Variants in MACROD2 observed in about 807,000 individuals in gnomAD.
The protein encoded by MACROD2 is mono-ADP ribosylhydrolase 2, also known as ADP-ribose glycohydrolase MACROD2.
MACROD2 carries 36 observed loss-of-function variants against 70.4 expected under a neutral mutation model. The observed-to-expected ratio is 0.51, with a 90% CI of 0.39 to 0.68. The LOEUF is 0.68. MACROD2 is among the 30% of genes least tolerant of loss of function. The pLI is 0.00. For synonymous variants in MACROD2, 172 were observed against 178.8 expected, an observed-to-expected ratio of 0.96 and a Z score of 0.30; for missense variants, 496 against 538.4, an observed-to-expected ratio of 0.92 and a Z score of 0.78.
rs3045609 is a variant in MACROD2, at chr20:14,789,460, ATTTTTTTTTTTTTTTTTTTTT to A, written c.418+104513_418+104533del. Among the ~76,000 whole-genome samples, 2 of 48,326 alleles carry A rather than the reference ATTTTTTTTTTTTTTTTTTTTT, an allele frequency of 4.1e-5. 1 individual carries two copies. Among genetic ancestry groups the A allele is most frequent in the Admixed American group, 6.3e-4 (2 of 3,186 alleles). 31.7% of individuals were successfully genotyped at this position (48,326 alleles called of 152,430 possible). ...CTTGTGGATTAATCAGGTAGTGCAA[ATTTTTTTTTTTTTTTTTTTTT>A]TTTTTTTTTTTGAGATGGAGTTTCA... On this transcript the variant is annotated intron_variant, in intron 5 of 17. Transcript: ENST00000684519.
chr20:14,620,008 C>T (rs1983738529), intron 4 of MACROD2, among the ~76,000 whole-genome samples: 1 of 152,134 alleles, frequency 6.6e-6, no homozygotes, highest in Non-Finnish European at 1.5e-5. Flanking sequence ...GTGGCCCTGA[C>T]ATTTGTCACT....
At chr20:14,209,187 A>G (rs886905586) in intron 3 of MACROD2, among the ~76,000 whole-genome samples, 10 of 152,262 alleles carry the variant, frequency 6.6e-5, no homozygotes, top group African/African-American at 1.9e-4. Flanking sequence ...TTCCCAAATT[A>G]TAGCTTACTT....
At chr20:14,932,431 C>T (rs1395713532) in intron 5 of MACROD2, among the ~76,000 whole-genome samples, 2 of 152,146 alleles carry the variant, frequency 1.3e-5, no homozygotes, top group Admixed American at 6.5e-5. Context: ...CTTCCCTTCT[C>T]CTGCATCACA....
chr20:14,863,330 C>T (rs926922811), intron 5 of MACROD2, among the ~76,000 whole-genome samples: 2 of 152,086 alleles, frequency 1.3e-5, no homozygotes, highest in African/African-American at 4.8e-5. Context: ...ATTTTCTCCC[C>T]GATCACACTG....
At chr20:15,798,400 C>T (rs2063694498) in intron 8 of MACROD2, among the ~76,000 whole-genome samples, 1 of 152,128 alleles carries the variant, frequency 6.6e-6, no homozygotes, top group African/African-American at 2.4e-5. Flanking sequence ...CTACCTGTTG[C>T]CTCTCTTTGG....
At chr20:15,361,474 T>C (rs2078350991) in intron 6 of MACROD2, among the ~76,000 whole-genome samples, 1 of 152,226 alleles carries the variant, frequency 6.6e-6, no homozygotes, top group Admixed American at 6.5e-5. Flanking sequence ...TGTTGCTATA[T>C]AATAAGATTT....
In MACROD2 at chr20:14,014,363, T is replaced by C. The variant is rs2052957902; in HGVS notation, c.163+11959T>C. 2.0e-5 allele frequency among the ~76,000 whole-genome samples: 3 copies of C among 152,326 alleles called. No individual in the cohort carries two copies. In the South Asian group the frequency reaches 6.2e-4, roughly 32 times the overall value. On this transcript the variant is annotated intron_variant, in intron 2 of 17. Coordinates refer to ENST00000684519, the MANE Select transcript of MACROD2 (RefSeq NM_001351661.2). Reference sequence around the variant, plus strand: ...ATGTTTTTGTCTTTTCTGAAATATTTAGTTACTGAATTTTCATCAACGTGT... The same window carrying C: ...ATGTTTTTGTCTTTTCTGAAATATTCAGTTACTGAATTTTCATCAACGTGT...
intron 8 of MACROD2, among the ~76,000 whole-genome samples, chr20:15,839,630 C>T (rs563658799): frequency 6.6e-6 from 1 of 152,262 alleles, no homozygotes; most frequent in South Asian, 2.1e-4. Flanking sequence ...ATCAGAAGCT[C>T]CCATCCATTC....
chr20:14,411,584 A>G (rs1323274582), intron 3 of MACROD2, among the ~76,000 whole-genome samples: 1 of 152,136 alleles, frequency 6.6e-6, no homozygotes, highest in Non-Finnish European at 1.5e-5. Flanking sequence ...GATACTAAAT[A>G]CTATCACTGT....
chr20:15,714,512 G>A (rs1308109423), intron 8 of MACROD2, among the ~76,000 whole-genome samples: 1 of 152,144 alleles, frequency 6.6e-6, no homozygotes, highest in African/African-American at 2.4e-5. Flanking sequence ...AAGAAAAGTT[G>A]GGGGATGGTA....
rs1011649417 is a variant in MACROD2, at chr20:16,003,270, C to T, written c.1153+16112C>T. 1.7e-4 allele frequency among the ~76,000 whole-genome samples: 26 copies of T among 152,032 alleles called. 1 individual carries two copies. Among genetic ancestry groups the T allele is most frequent in the Non-Finnish European group, 2.8e-4 (19 of 68,020 alleles). ...AAGTGCAAATTCCTGAGCTCCCCTT[C>T]GAGTATATTTCTTATACAATAATTG... On this transcript the variant is annotated intron_variant, in intron 15 of 17. Coordinates refer to ENST00000684519, the MANE Select transcript of MACROD2 (RefSeq NM_001351661.2).
At chr20:14,601,694 T>G (rs932164992) in intron 4 of MACROD2, among the ~76,000 whole-genome samples, 4 of 152,140 alleles carry the variant, frequency 2.6e-5, no homozygotes, top group African/African-American at 7.2e-5. Flanking sequence ...AAAAAGTACC[T>G]CAGGGCCGTG....
chr20:14,826,458 G>A (rs572128617), intron 5 of MACROD2, among the ~76,000 whole-genome samples: 1 of 152,154 alleles, frequency 6.6e-6, no homozygotes, highest in East Asian at 1.9e-4. Context: ...TTCTGTTTCT[G>A]TTGCTTGCAG....
At chr20:14,748,655 C>A (rs1234854754) in intron 5 of MACROD2, among the ~76,000 whole-genome samples, 2 of 152,096 alleles carry the variant, frequency 1.3e-5, no homozygotes, top group Non-Finnish European at 2.9e-5. Context: ...GCCTTTATAT[C>A]TCAAGAAATT....
At position 15,925,880 on chromosome 20, in the gene MACROD2, C is replaced by T. The variant is rs1261071766; in HGVS notation, c.776-7396C>T. ...GGCTGACACGATTGTCTTGTCTGTC[C>T]TAATGGTTGAAGACTAACCCATGAA... On this transcript the variant is annotated intron_variant, in intron 10 of 17. Transcript: ENST00000684519. Among the ~76,000 whole-genome samples, 4 of 152,258 alleles carry T rather than the reference C, an allele frequency of 2.6e-5. No individual in the cohort carries two copies. In the East Asian group the frequency reaches 7.7e-4, roughly 29 times the overall value.
chr20:15,950,469 G>A (rs2065888414), intron 12 of MACROD2, among the ~76,000 whole-genome samples: 2 of 152,080 alleles, frequency 1.3e-5, no homozygotes, highest in South Asian at 4.1e-4. Context: ...GTCACCAACT[G>A]ATCATTGTAA....
At chr20:14,733,500 A>C (rs2071622184) in intron 5 of MACROD2, among the ~76,000 whole-genome samples, 3 of 152,270 alleles carry the variant, frequency 2.0e-5, no homozygotes, top group Admixed American at 2.0e-4. Flanking sequence ...TCAAACAAAA[A>C]CTTTGTGAGG....
At chr20:14,445,185 T>G (rs1466473346) in intron 3 of MACROD2, among the ~76,000 whole-genome samples, 1 of 152,128 alleles carries the variant, frequency 6.6e-6, no homozygotes, top group Non-Finnish European at 1.5e-5. Context: ...TGGTTCATCC[T>G]GCCCCAGCCA....
At chr20:14,120,099 G>A (rs1347802706) in intron 3 of MACROD2, among the ~76,000 whole-genome samples, 1 of 150,810 alleles carries the variant, frequency 6.6e-6, no homozygotes, top group South Asian at 2.1e-4. Flanking sequence ...TGTAATCCTA[G>A]CTACTCGGGA....
Sources: gnomAD v4.1 joint callset for allele counts (sites outside exome capture counted in the v4.1 genomes callset) on GRCh38, gnomAD v4.1.1 for gene constraint, MANE v1.5 for transcripts, NCBI Gene and HGNC (gene_info 2026-07-23, HGNC 2026-07-21) for gene names.